MYT1L: variants seen among roughly 807,000 people sequenced by gnomAD.
MYT1L encodes myelin transcription factor 1-like protein.
A neutral mutation model predicts 126.7 loss-of-function variants in MYT1L; 12 were observed. The ratio of observed to expected loss-of-function variants is 0.09; its 90% CI spans 0.06 to 0.15. The LOEUF is 0.15. MYT1L is among the 10% of genes least tolerant of loss of function. The probability of loss-of-function intolerance (pLI) is 1.00; values close to 1 mark genes in which losing one functional copy is unlikely to be tolerated. For missense variants in MYT1L, 979 were observed against 1,585.2 expected (o/e 0.62, Z 6.49); for synonymous variants, 541 against 604.2 (o/e 0.90, Z 1.53).
intron 2 of MYT1L, among the ~76,000 whole-genome samples, chr2:2,177,149 C>G (rs550462104): frequency 1.1e-4 from 16 of 152,292 alleles, no homozygotes; most frequent in Non-Finnish European, 1.8e-4. Flanking sequence ...CACAGGTTTG[C>G]GTGGATGTAA....
intron 3 of MYT1L, among the ~76,000 whole-genome samples, chr2:2,124,229 C>G (rs1470377313): frequency 6.6e-6 from 1 of 152,150 alleles, no homozygotes; most frequent in Non-Finnish European, 1.5e-5. Flanking sequence ...GTGTCTTACA[C>G]ACAATTTGAA....
rs529058541 is a variant in MYT1L, at chr2:2,158,221, T to A, written c.-304+14651A>T. Among the ~76,000 whole-genome samples the A allele has an allele frequency of 2.5e-3, 374 of 151,918 alleles. 3 individuals carry two copies. The highest frequency in any genetic ancestry group is 8.5e-3 in the African/African-American group (354 of 41,432). ...ATATCAGTTAGACTAACTTTATATA[T>A]GCCCTGGCCCTTGCTAGGCAGATTT... On this transcript the variant is annotated intron_variant, in intron 3 of 24. Coordinates refer to ENST00000647738, the MANE Select transcript of MYT1L (RefSeq NM_001303052.2).
At chr2:1,838,277 T>A (rs2041177059) in intron 21 of MYT1L, among the ~76,000 whole-genome samples, 1 of 152,156 alleles carries the variant, frequency 6.6e-6, no homozygotes, top group Non-Finnish European at 1.5e-5. Flanking sequence ...ATTTCTTTAA[T>A]AATTAAAAAA....
intron 2 of MYT1L, among the ~76,000 whole-genome samples, chr2:2,267,860 T>A (rs2095171616): frequency 6.6e-6 from 1 of 151,568 alleles, no homozygotes; most frequent in Admixed American, 6.6e-5. Context: ...GGCAAGTATG[T>A]CAAATAAGAA....
chr2:2,270,742 A>G (rs1338961869), intron 2 of MYT1L, among the ~76,000 whole-genome samples: 4 of 152,146 alleles, frequency 2.6e-5, no homozygotes, highest in Non-Finnish European at 4.4e-5. Context: ...AGTACAGCAC[A>G]GTCTCTGCCT....
rs2053767731 is a variant in MYT1L, at chr2:1,923,052, T to C, written c.717A>G (p.Lys239=). The part of the protein sequence containing the change: ...TSNSLEDDSD[K]NENLGRKSEL... Reference sequence around the variant, plus strand: ...CACTTTTCCGACCCAGGTTTTCGTTTTTGTCACTATCGTCTTCCAGACTAT... The same window carrying C: ...CACTTTTCCGACCCAGGTTTTCGTTCTTGTCACTATCGTCTTCCAGACTAT... The change falls in exon 10 of 25, where the codon AAA becomes AAG. Residue 239 remains lysine (K), a synonymous_variant. Coordinates refer to ENST00000647738, the MANE Select transcript of MYT1L (RefSeq NM_001303052.2). The C allele has an allele frequency of 6.2e-7, 1 of 1,614,026 alleles. No individual in the cohort carries two copies. The highest frequency in any genetic ancestry group is 8.5e-7 in the Non-Finnish European group (1 of 1,179,906).
rs936049615 is a variant in MYT1L, at chr2:2,224,324, C to T, written c.-420-51336G>A. Among the ~76,000 whole-genome samples, 6 of 152,056 alleles carry T rather than the reference C, an allele frequency of 3.9e-5. No individual in the cohort carries two copies. The highest frequency in any genetic ancestry group is 5.9e-5 in the Non-Finnish European group (4 of 68,030). On this transcript the variant is annotated intron_variant, in intron 2 of 24. Coordinates refer to ENST00000647738, the MANE Select transcript of MYT1L (RefSeq NM_001303052.2). This position sits in a 1 kb window ranked among gnomAD's most constrained non-coding sequence, Gnocchi z 4.0. Reference sequence around the variant, plus strand: ...CACCCAGAAAGGAGGCGTGGCGAGACCTTCCAGCAGACAGCAAAGGAAGAA... The same window carrying T: ...CACCCAGAAAGGAGGCGTGGCGAGATCTTCCAGCAGACAGCAAAGGAAGAA...
At chr2:1,989,427 G>T (rs2061308450) in intron 5 of MYT1L, among the ~76,000 whole-genome samples, 1 of 152,106 alleles carries the variant, frequency 6.6e-6, no homozygotes, top group Non-Finnish European at 1.5e-5. Flanking sequence ...AAGCGAGAGT[G>T]CACCCTACAT....
chr2:1,838,902 C>T (rs918646295), intron 21 of MYT1L, among the ~76,000 whole-genome samples: 8 of 152,182 alleles, frequency 5.3e-5, no homozygotes, highest in East Asian at 1.9e-4. Context: ...GTTTCAAAAA[C>T]GGAAAACTGC....
At position 1,923,144 on chromosome 2, in the gene MYT1L, C is replaced by T. The variant is rs2149110239; in HGVS notation, c.625G>A (p.Gly209Ser). The T allele has an allele frequency of 1.2e-6, 2 of 1,614,004 alleles. No individual in the cohort carries two copies. The highest frequency in any genetic ancestry group is 1.3e-5 in the African/African-American group (1 of 75,048). The change falls in exon 10 of 25, where the codon GGC becomes AGC. Residue 209 changes from glycine (G) to serine (S), a missense_variant. Around this residue, in one of 12 missense-constraint regions of MYT1L, gnomAD observed 243 missense variants for 363.9 expected, o/e 0.67. Transcript: ENST00000647738. ...ELVAKSLLNLGKIAEDAAYRA... is the reference protein window; with the variant it reads ...ELVAKSLLNLSKIAEDAAYRA... ...TAGGCTGCATCCTCAGCGATTTTGC[C>T]GAGGTTTAACAATGACTTGGCCACC...
intron 2 of MYT1L, among the ~76,000 whole-genome samples, chr2:2,197,978 AACAT>A (rs1290907417): frequency 6.6e-6 from 1 of 150,432 alleles, no homozygotes; most frequent in Non-Finnish European, 1.5e-5. Flanking sequence ...AGGTATAAAT[AACAT>A]ACATATATAT....
intron 2 of MYT1L, among the ~76,000 whole-genome samples, chr2:2,222,495 CAAA>C (rs11298177): frequency 4.0e-5 from 6 of 149,296 alleles, no homozygotes; most frequent in African/African-American, 9.9e-5. Context: ...GACTTTGTCT[CAAA>C]AAAAAAAAAT....
intron 1 of MYT1L, among the ~76,000 whole-genome samples, chr2:2,322,915 A>G (rs1472358657): frequency 6.6e-6 from 1 of 152,214 alleles, no homozygotes; most frequent in Non-Finnish European, 1.5e-5. Context: ...AAACTGCTTG[A>G]GTTAAATTTT....
chr2:1,956,252 A>G (rs1321916325), intron 8 of MYT1L, among the ~76,000 whole-genome samples: 2 of 140,480 alleles, frequency 1.4e-5, no homozygotes, highest in Non-Finnish European at 3.1e-5. Context: ...ATCCTATTCT[A>G]TATTTCCTAT....
chr2:1,840,988 C>G (rs1291360229), intron 19 of MYT1L, 145 bp from the exon 20 acceptor site: 1 of 589,560 alleles, frequency 1.7e-6, no homozygotes, highest in African/African-American at 2.0e-5. Flanking sequence ...ACTGCAAGCT[C>G]CGCCTCCCGG....
intron 3 of MYT1L, among the ~76,000 whole-genome samples, chr2:2,154,758 T>C (rs1326092810): frequency 6.6e-6 from 1 of 152,196 alleles, no homozygotes; most frequent in Non-Finnish European, 1.5e-5. Context: ...TGAAATAATC[T>C]GTACAACAAA....
chr2:2,025,476 T>C (rs2065446509), intron 4 of MYT1L, among the ~76,000 whole-genome samples: 2 of 152,192 alleles, frequency 1.3e-5, no homozygotes, highest in South Asian at 2.1e-4. Flanking sequence ...ATTTTAAAAT[T>C]AGCATCTGTA....
At chr2:1,955,356 ATGATGGAGATAT>A (rs1324624433) in intron 8 of MYT1L, among the ~76,000 whole-genome samples, 1 of 152,110 alleles carries the variant, frequency 6.6e-6, no homozygotes, top group Non-Finnish European at 1.5e-5. Flanking sequence ...TTTTACTTTG[ATGATGGAGATAT>A]ACATTTGAAC....
chr2:1,914,546 C>G (rs1272931489), intron 11 of MYT1L, among the ~76,000 whole-genome samples: 2 of 152,122 alleles, frequency 1.3e-5, no homozygotes, highest in South Asian at 4.1e-4. Context: ...ACCTCTGCAC[C>G]TGACCTCCCC....
Sources: gnomAD v4.1 joint callset for allele counts (sites outside exome capture counted in the v4.1 genomes callset) on GRCh38, gnomAD v4.1.1 for gene constraint, gnomAD v4.1.1 regional missense constraint, Gnocchi (gnomAD v3.1) non-coding constraint, MANE v1.5 for transcripts, NCBI Gene and HGNC (gene_info 2026-07-23, HGNC 2026-07-21) for gene names.